The following SETBP1 variants were observed in gnomAD, a reference collection of about 807,000 sequenced individuals.
SETBP1 encodes the protein SET-binding protein.
SETBP1 carries 9 observed loss-of-function variants against 101.0 expected under a neutral mutation model. The observed-to-expected ratio is 0.09, with a 90% CI of 0.05 to 0.16. The LOEUF (loss-of-function observed/expected upper bound fraction) is 0.16. SETBP1 is among the 10% of genes least tolerant of loss of function. The pLI is 1.00. For synonymous variants in SETBP1, 818 were observed against 788.5 expected, an observed-to-expected ratio of 1.04 and a Z score of -0.63; for missense variants, 1,858 against 2,033.8, an observed-to-expected ratio of 0.91 and a Z score of 1.66.
Position 44,739,056 on chromosome 18 carries a change from C to A in SETBP1, c.486+37224C>A, listed in dbSNP as rs1236467192. 2.0e-5 allele frequency among the ~76,000 whole-genome samples: 3 copies of A among 152,124 alleles called. No homozygotes were observed. In the East Asian group the frequency reaches 5.8e-4, roughly 29 times the overall value. On this transcript the variant is annotated intron_variant, in intron 2 of 5. Coordinates refer to ENST00000649279, the MANE Select transcript of SETBP1 (RefSeq NM_015559.3). The stretch of plus-strand genomic sequence containing the variant: ...GCTGCTGTCATTTCTTAGCTCTGTT[C>A]TTCCATCTTAAACCTAGTAACTCAA...
At chr18:44,932,973 C>T (rs887730950) in intron 3 of SETBP1, among the ~76,000 whole-genome samples, 14 of 152,206 alleles carry the variant, frequency 9.2e-5, no homozygotes, top group Non-Finnish European at 1.0e-4. Context: ...ATTCTCTCTC[C>T]GGCTTTGTTC....
chr18:44,691,664 G>C (rs2144134593), intron 1 of SETBP1, among the ~76,000 whole-genome samples: 1 of 152,262 alleles, frequency 6.6e-6, no homozygotes, highest in Middle Eastern at 3.4e-3. Flanking sequence ...CCTGAGTACA[G>C]AGACTAACGG....
chr18:44,791,192 G>T (rs2071364097), intron 2 of SETBP1, among the ~76,000 whole-genome samples: 1 of 152,144 alleles, frequency 6.6e-6, no homozygotes, highest in African/African-American at 2.4e-5. Context: ...TAATGTCACA[G>T]TTGGATCGGA....
intron 5 of SETBP1, among the ~76,000 whole-genome samples, chr18:45,044,661 T>C (rs1171429645): frequency 6.6e-6 from 1 of 152,236 alleles, no homozygotes; most frequent in Non-Finnish European, 1.5e-5. Context: ...CCCTGCCTTC[T>C]GCCCCAGCTT....
At chr18:44,800,200 A>G (rs989840227) in intron 2 of SETBP1, among the ~76,000 whole-genome samples, 1 of 152,112 alleles carries the variant, frequency 6.6e-6, no homozygotes, top group Non-Finnish European at 1.5e-5. Flanking sequence ...CCTCAAGGCT[A>G]ATTATTCACC....
intron 4 of SETBP1, among the ~76,000 whole-genome samples, chr18:45,035,876 C>T (rs991704743): frequency 2.0e-5 from 3 of 152,330 alleles, no homozygotes; most frequent in Middle Eastern, 3.4e-3. Flanking sequence ...CATGCCTGCT[C>T]TGCCCATTAT....
intron 2 of SETBP1, among the ~76,000 whole-genome samples, chr18:44,772,846 C>T (rs940974985): frequency 1.3e-5 from 2 of 152,090 alleles, no homozygotes; most frequent in African/African-American, 4.8e-5. Context: ...AGTGTAGACC[C>T]TCAAAACATG....
intron 2 of SETBP1, among the ~76,000 whole-genome samples, chr18:44,796,665 G>C (rs925459047): frequency 1.3e-5 from 2 of 152,196 alleles, no homozygotes; most frequent in Non-Finnish European, 2.9e-5. Context: ...TATGCCCACA[G>C]TCAGCAGCAA....
chr18:44,895,897 AC>A (rs891103723), intron 3 of SETBP1, among the ~76,000 whole-genome samples: 30 of 152,090 alleles, frequency 2.0e-4, no homozygotes, highest in Non-Finnish European at 4.1e-4. Context: ...AAATCTGAAA[AC>A]CTTCTTAAAG....
intron 3 of SETBP1, among the ~76,000 whole-genome samples, chr18:44,873,751 A>G (rs760953661): frequency 9.9e-5 from 15 of 152,234 alleles, no homozygotes; most frequent in Non-Finnish European, 1.6e-4. Flanking sequence ...AAATGAAATA[A>G]TAGGTTTTTT....
rs11399627 is a variant in SETBP1 at position 44,787,860 on chromosome 18, C to CAAAAAAAAAAA, written c.487-81360_487-81350dup. ...TGGGCGACAGAGCGAGAGTCCGTCTCAAAAAAAAAAAAAAAAAAAAGAAAA... is the reference window on the plus strand; with the variant it reads ...TGGGCGACAGAGCGAGAGTCCGTCTCAAAAAAAAAAAAAAAAAAAAAAAAAAAAAAAGAAAA... On this transcript the variant is annotated intron_variant, in intron 2 of 5. Transcript: ENST00000649279. Among the ~76,000 whole-genome samples, 42 of 9,208 alleles carry CAAAAAAAAAAA rather than the reference C, an allele frequency of 4.6e-3. 5 individuals carry two copies. The highest frequency in any genetic ancestry group is 7.3e-3 in the African/African-American group (17 of 2,340). The allele number at this position is 9,208 out of a possible 152,430, so 6.0% of individuals were successfully genotyped here.
chr18:44,919,683 C>T (rs1457336090), intron 3 of SETBP1, among the ~76,000 whole-genome samples: 1 of 151,590 alleles, frequency 6.6e-6, no homozygotes, highest in Non-Finnish European at 1.5e-5. Context: ...CCCATATCCT[C>T]TCTGGTTTTT....
intron 2 of SETBP1, among the ~76,000 whole-genome samples, chr18:44,791,178 T>C (rs765672469): frequency 2.6e-5 from 4 of 152,128 alleles, no homozygotes; most frequent in Non-Finnish European, 5.9e-5. Flanking sequence ...TCTGGAGACA[T>C]TTTTAATGTC....
intron 5 of SETBP1, among the ~76,000 whole-genome samples, chr18:45,043,364 C>CTCTCACAT (rs2073547993): frequency 1.2e-4 from 1 of 8,240 alleles, no homozygotes; most frequent in Non-Finnish European, 5.3e-4. Flanking sequence ...CTCTCTCTCT[C>CTCTCACAT]TCACACACTC....
chr18:44,892,835 AACC>A (rs1200440735), intron 3 of SETBP1, among the ~76,000 whole-genome samples: 1 of 152,074 alleles, frequency 6.6e-6, no homozygotes, highest in Non-Finnish European at 1.5e-5. Context: ...TCATTTTCTC[AACC>A]AAGCCTTTAT....
intron 2 of SETBP1, among the ~76,000 whole-genome samples, chr18:44,753,517 A>G (rs1050765322): frequency 6.6e-6 from 1 of 152,218 alleles, no homozygotes; most frequent in Non-Finnish European, 1.5e-5. Flanking sequence ...TAATAGAAAT[A>G]CACCATTATG....
chr18:44,846,274 A>G (rs972851491), intron 2 of SETBP1, among the ~76,000 whole-genome samples: 1 of 152,202 alleles, frequency 6.6e-6, no homozygotes, highest in African/African-American at 2.4e-5. Context: ...TTTTCTTGAG[A>G]TATAATTCAC....
chr18:44,808,861 G>A (rs193278725), intron 2 of SETBP1, among the ~76,000 whole-genome samples: 2 of 152,310 alleles, frequency 1.3e-5, no homozygotes, highest in Admixed American at 6.5e-5. Context: ...GTAACTGGGA[G>A]TTGCTACAAA....
At chr18:44,806,440 C>T (rs943053347) in intron 2 of SETBP1, among the ~76,000 whole-genome samples, 14 of 151,896 alleles carry the variant, frequency 9.2e-5, no homozygotes, top group African/African-American at 3.1e-4. Context: ...CTCTCTGTCT[C>T]GCTGTATGTG....
Sources: gnomAD v4.1 joint callset for allele counts (sites outside exome capture counted in the v4.1 genomes callset) on GRCh38, gnomAD v4.1.1 for gene constraint, MANE v1.5 for transcripts, NCBI Gene and HGNC (gene_info 2026-07-23, HGNC 2026-07-21) for gene names.